Variants in DENND4C observed in about 807,000 individuals in gnomAD.
DENND4C encodes DENN domain-containing protein 4C.
DENND4C carries 108 observed loss-of-function variants against 203.0 expected under a neutral mutation model. That is an observed-to-expected ratio of 0.53 (90% CI 0.46 to 0.62). DENND4C has a LOEUF of 0.62. Ranked by LOEUF, DENND4C falls within the 20% of genes least tolerant of loss-of-function variation. The pLI is 0.00. For missense variants in DENND4C, 2,481 were observed against 2,301.2 expected, an observed-to-expected ratio of 1.08 and a Z score of -1.60; for synonymous variants, 871 against 792.4, an observed-to-expected ratio of 1.10 and a Z score of -1.67.
chr9:19,270,853 G>A (rs1831498046), intron 1 of DENND4C, among the ~76,000 whole-genome samples: 1 of 152,160 alleles, frequency 6.6e-6, no homozygotes, highest in South Asian at 2.1e-4. Flanking sequence ...CTACAAAATT[G>A]CTCTAAACTA....
At chr9:19,327,586 G>T (rs973075840) in intron 15 of DENND4C, among the ~76,000 whole-genome samples, 1 of 151,862 alleles carries the variant, frequency 6.6e-6, no homozygotes, top group African/African-American at 2.4e-5. Flanking sequence ...ATAATGTCCA[G>T]CAGTGAAAAA....
rs377632133 is a variant in DENND4C at position 19,352,163 on chromosome 9, A to T, written c.4586A>T (p.Tyr1529Phe). Reference protein sequence around the residue: ...SSQNTSMSSIYQNCAMEVLMS... With the variant: ...SSQNTSMSSIFQNCAMEVLMS... ...CAAAATACCAGCATGTCTAGCATCT[A>T]TCAGAATTGTGCAATGGAGGTAAAA... The change falls in exon 25 of 33, where the codon TAT becomes TTT. Residue 1529 changes from tyrosine (Y) to phenylalanine (F), a missense_variant. Tyr to Phe is a conservative substitution (Grantham distance 22). This residue lies in a region of DENND4C where 2,289 missense variants were observed against 2,113.3 expected (regional missense o/e 1.08). Coordinates refer to ENST00000434457, the MANE Select transcript of DENND4C (RefSeq NM_001330640.2). 1.9e-6 allele frequency: 3 copies of T among 1,613,788 alleles called. No homozygotes were observed. Among genetic ancestry groups the T allele is most frequent in the African/African-American group, 2.7e-5 (2 of 74,938 alleles).
intron 1 of DENND4C, among the ~76,000 whole-genome samples, chr9:19,249,244 A>G (rs1825975967): frequency 6.6e-6 from 1 of 151,788 alleles, no homozygotes; most frequent in Non-Finnish European, 1.5e-5. Context: ...TTAATATACC[A>G]GTAGTAATTT....
rs779695132 is a variant in DENND4C, at chr9:19,342,739, G to A, written c.3111G>A (p.Pro1037=). Residue 1037 remains proline (P), a synonymous_variant, in exon 22 of 33, where the codon CCG becomes CCA. Coordinates refer to ENST00000434457, the MANE Select transcript of DENND4C (RefSeq NM_001330640.2). ...GGGGCAGCAGTATTGTGAAAGTTCC[G>A]TCTGGTATATTTGATGTCAACAGCA... The part of the protein sequence containing the change: ...PAWGSSIVKV[P]SGIFDVNSRK... 92 of 1,611,338 alleles carry A rather than the reference G, an allele frequency of 5.7e-5. 1 individual carries two copies. In the South Asian group the frequency reaches 6.2e-4, roughly 11 times the overall value.
chr9:19,274,916 A>C (rs938812147), intron 1 of DENND4C, among the ~76,000 whole-genome samples: 1 of 152,236 alleles, frequency 6.6e-6, no homozygotes, highest in African/African-American at 2.4e-5. Context: ...GAATGATCTG[A>C]ATATTGTTCA....
At chr9:19,236,624 A>G (rs1451218240) in intron 1 of DENND4C, among the ~76,000 whole-genome samples, 2 of 152,236 alleles carry the variant, frequency 1.3e-5, no homozygotes, top group Admixed American at 6.5e-5. Context: ...GTGAGACCGC[A>G]GGTTCATCAT....
At chr9:19,317,371 A>AT (rs1842033630) in intron 12 of DENND4C, among the ~76,000 whole-genome samples, 2 of 152,042 alleles carry the variant, frequency 1.3e-5, no homozygotes, top group African/African-American at 4.8e-5. Flanking sequence ...AGGGCACTAC[A>AT]TTTTAACCAT....
rs1451183012 is a variant in DENND4C at position 19,278,721 on chromosome 9, C to G, written c.305+2242C>G. Among the ~76,000 whole-genome samples, 4 of 152,104 alleles carry G rather than the reference C, an allele frequency of 2.6e-5. No individual in the cohort carries two copies. The East Asian group carries it at 7.7e-4, about 29-fold the overall frequency. ...TTTAACTCCTTTAGTATTGTCCATC[C>G]TATTTAGCTACTGTAGTTTTCCTTC... On this transcript the variant is annotated intron_variant, in intron 2 of 32. Coordinates refer to ENST00000434457, the MANE Select transcript of DENND4C (RefSeq NM_001330640.2).
intron 1 of DENND4C, among the ~76,000 whole-genome samples, chr9:19,265,933 T>A (rs1830404630): frequency 6.6e-6 from 1 of 152,236 alleles, no homozygotes. Flanking sequence ...TGTGTGTCTT[T>A]ATAGCAGCAT....
rs762771937 is a variant in DENND4C, at chr9:19,342,670, A to G, written c.3042A>G (p.Ser1014=). Residue 1014 remains serine, a synonymous_variant, in exon 22 of 33, where the codon TCA becomes TCG. Transcript: ENST00000434457. ...CDASAIVAKH[S]QPSPEPHSPT... is the part of the protein sequence containing the mutation. ...CCTCTGCTATTGTGGCAAAACATTC[A>G]CAACCTAGTCCAGAGCCTCACAGTC... is the stretch of plus-strand genomic sequence containing the variant. The G allele has an allele frequency of 6.2e-7, 1 of 1,610,224 alleles. No individual in the cohort carries two copies. Among genetic ancestry groups the G allele is most frequent in the Non-Finnish European group, 8.5e-7 (1 of 1,178,580 alleles).
chr9:19,236,212 G>T (rs1821935162), intron 1 of DENND4C, among the ~76,000 whole-genome samples: 1 of 152,078 alleles, frequency 6.6e-6, no homozygotes, highest in Non-Finnish European at 1.5e-5. Flanking sequence ...ATAAAAAGGT[G>T]ACTAGTAAGG....
At chr9:19,350,358 C>G (rs1823817398) in intron 23 of DENND4C, among the ~76,000 whole-genome samples, 1 of 152,170 alleles carries the variant, frequency 6.6e-6, no homozygotes. Flanking sequence ...CTGTCTGATT[C>G]AAAAACCCCT....
chr9:19,279,000 A>G (rs1405891045), intron 2 of DENND4C, among the ~76,000 whole-genome samples: 1 of 152,172 alleles, frequency 6.6e-6, no homozygotes, highest in Non-Finnish European at 1.5e-5. Context: ...CTTAGGCACT[A>G]TTCCAGACCT....
At chr9:19,354,727 G>A (rs1449686466) in intron 26 of DENND4C, among the ~76,000 whole-genome samples, 1 of 150,960 alleles carries the variant, frequency 6.6e-6, no homozygotes, top group Admixed American at 6.6e-5. Flanking sequence ...TGTAATTTTT[G>A]TAGAGATGGG....
intron 13 of DENND4C, among the ~76,000 whole-genome samples, 166 bp downstream of exon 13, chr9:19,324,673 T>C (rs1326051740): frequency 6.6e-6 from 1 of 152,246 alleles, no homozygotes; most frequent in Non-Finnish European, 1.5e-5. Flanking sequence ...TAAAATTCTT[T>C]GTGGTTTCAA....
chr9:19,350,652 C>G (rs369261521), intron 23 of DENND4C, 50 bp from the exon 24 acceptor site: 5 of 1,497,236 alleles, frequency 3.3e-6, no homozygotes, highest in African/African-American at 2.8e-5. Context: ...TATAATCCCA[C>G]TGGAGAAGGT....
chr9:19,359,347 C>T (rs1315687759), intron 28 of DENND4C, among the ~76,000 whole-genome samples: 1 of 151,788 alleles, frequency 6.6e-6, no homozygotes. Context: ...TCCCTAATAA[C>T]TGGAACCACA....
chr9:19,328,374 A>G (rs1011875291), intron 16 of DENND4C, among the ~76,000 whole-genome samples: 1 of 152,194 alleles, frequency 6.6e-6, no homozygotes, highest in Non-Finnish European at 1.5e-5. Context: ...GCACTTTCAG[A>G]GGCTGAGGTG....
rs1331742412 is a variant in DENND4C at position 19,358,539 on chromosome 9, T to A, written c.5160+379T>A. ...AAATATAATCACACTGCTTTTATCA[T>A]ACAAAAAAAACCCCAAATAATAGTA... On this transcript the variant is annotated intron_variant, in intron 28 of 32. Transcript: ENST00000434457. The surrounding 1 kb of genome is among the most constrained non-coding windows in gnomAD (Gnocchi z 4.8). 1.3e-5 allele frequency among the ~76,000 whole-genome samples: 2 copies of A among 151,890 alleles called. No homozygotes were observed. The highest frequency in any genetic ancestry group is 4.9e-5 in the African/African-American group (2 of 41,210).
Sources: gnomAD v4.1 joint callset for allele counts (sites outside exome capture counted in the v4.1 genomes callset) on GRCh38, gnomAD v4.1.1 for gene constraint, gnomAD v4.1.1 regional missense constraint, Gnocchi (gnomAD v3.1) non-coding constraint, MANE v1.5 for transcripts, NCBI Gene and HGNC (gene_info 2026-07-23, HGNC 2026-07-21) for gene names.